LOXHD1: variants seen among roughly 807,000 people sequenced by gnomAD.
LOXHD1 encodes lipoxygenase homology domain-containing protein 1.
In LOXHD1, 205 loss-of-function variants were observed where a neutral mutation model predicts 248.2. That is an observed-to-expected ratio of 0.83 (90% CI 0.74 to 0.93). The LOEUF (loss-of-function observed/expected upper bound fraction) is 0.93. Ranked by LOEUF, LOXHD1 falls within the 40% of genes least tolerant of loss-of-function variation. LOXHD1 has a pLI of 0.00. For synonymous variants in LOXHD1, 1,113 were observed against 1,162.8 expected, an observed-to-expected ratio of 0.96 and a Z score of 0.87; for missense variants, 2,930 against 2,971.6, an observed-to-expected ratio of 0.99 and a Z score of 0.33.
intron 14 of LOXHD1, 123 bp downstream of exon 14, chr18:46,577,584 G>T: frequency 2.6e-6 from 3 of 1,134,784 alleles, no homozygotes; most frequent in Non-Finnish European, 3.7e-6. Context: ...CCTCTTTCTT[G>T]CACCAGCTAT....
chr18:46,489,113 C>T lies in LOXHD1; in HGVS notation c.5908G>A (p.Val1970Ile). 6.4e-7 allele frequency: 1 copy of T among 1,551,728 alleles called. No homozygotes were observed. The highest frequency in any genetic ancestry group is 8.7e-7 in the Non-Finnish European group (1 of 1,147,008). The change falls in exon 38 of 41, where the codon GTC (valine) becomes ATC (isoleucine). Residue 1970 changes from valine (V) to isoleucine (I), a missense_variant. Val to Ile is a conservative substitution (Grantham distance 29, BLOSUM62 3). Transcript: ENST00000642948. The part of the protein sequence containing the change: ...GIFPGWHLSY[V>I]DVKDNSRDET... Reference sequence around the variant, plus strand: ...TCGCGGGAGTTGTCCTTCACATCGACATAGCTCAGATGCCAGCCAGGAAAT... The same window carrying T: ...TCGCGGGAGTTGTCCTTCACATCGATATAGCTCAGATGCCAGCCAGGAAAT...
At position 46,562,854 on chromosome 18, in the gene LOXHD1, T is replaced by C. The variant is rs1300174117; in HGVS notation, c.2598+211A>G. ...TAAAGCTCCCCAGGTGACTGTAACA[T>C]GAGGCCAGGGGTGGGAATCACTGAT... On this transcript the variant is annotated intron_variant, in intron 18 of 40. Coordinates refer to ENST00000642948, the MANE Select transcript of LOXHD1 (RefSeq NM_001384474.1). Among the ~76,000 whole-genome samples, 3 of 152,138 alleles carry C rather than the reference T, an allele frequency of 2.0e-5. No homozygotes were observed. The East Asian group carries it at 5.8e-4, about 29-fold the overall frequency.
chr18:46,562,432 C>A (rs1221811452), intron 18 of LOXHD1, among the ~76,000 whole-genome samples: 6 of 152,192 alleles, frequency 3.9e-5, no homozygotes. Context: ...GGGGCGCCAC[C>A]CTTGCATCCT....
At chr18:46,629,706 G>T (rs900184840) in intron 4 of LOXHD1, among the ~76,000 whole-genome samples, 10 of 151,062 alleles carry the variant, frequency 6.6e-5, no homozygotes, top group African/African-American at 1.2e-4. Flanking sequence ...CAGTGATTAT[G>T]CTGAAAACAA....
intron 17 of LOXHD1, 82 bp from the exon 18 acceptor site, chr18:46,563,307 A>C: frequency 7.4e-7 from 1 of 1,343,066 alleles, no homozygotes; most frequent in Middle Eastern, 2.0e-4. Flanking sequence ...ACCTTTCCTG[A>C]GCCTGTTCCA....
rs1232468141 is a variant in LOXHD1, at chr18:46,557,384, C to T, written c.3322G>A (p.Asp1108Asn). 3.2e-6 allele frequency: 5 copies of T among 1,552,348 alleles called. No individual in the cohort carries two copies. In the Admixed American group the frequency reaches 9.8e-5, roughly 30 times the overall value. Residue 1108 changes from aspartate (D) to asparagine (N), a missense_variant, in exon 21 of 41, where the codon GAC becomes AAC. Transcript: ENST00000642948. The stretch of plus-strand genomic sequence containing the variant: ...ATCTCGTTGTTCATGTCAGTAATGT[C>T]TATTCTGTCCAGGAACCAGCCTGCT... ...NRAGWFLDRI[D>N]ITDMNNEITY...
Position 46,639,767 on chromosome 18 carries a change from G to C in LOXHD1, c.360C>G (p.Ser120Arg). ...TCACAATCACATGGTCCAGGTACCA[G>C]CTGGCATTCAAGCCCGTGTTGTCAT... ...IEHDNTGLNA[S>R]WYLDHVIVTD... Residue 120 changes from serine (S) to arginine (R), a missense_variant, in exon 4 of 41, where the codon AGC becomes AGG. Ser to Arg is a moderately radical substitution (Grantham distance 110). Transcript: ENST00000642948. 6.4e-7 allele frequency: 1 copy of C among 1,551,728 alleles called. No homozygotes were observed. Among genetic ancestry groups the C allele is most frequent in the East Asian group, 2.4e-5 (1 of 40,922 alleles).
In LOXHD1 at chr18:46,524,482, G is replaced by A. The variant is rs982841436; in HGVS notation, c.4860C>T (p.Tyr1620=). Residue 1620 remains tyrosine (Y), a synonymous_variant, in exon 31 of 41, where the codon TAC becomes TAT. Transcript: ENST00000642948. ...TTGGCTTACTTGGGCCCTCTTGAAC[G>A]TAGTCAGCCATGGGCCCGGTCACTG... ...ISTVTGPMAD[Y]VQEGPIIPYY... is the part of the protein sequence containing the mutation. 11 of 1,551,280 alleles carry A rather than the reference G, an allele frequency of 7.1e-6. No homozygotes were observed. The highest frequency in any genetic ancestry group is 1.7e-4 in the Middle Eastern group (1 of 6,012).
rs56323729 is a variant in LOXHD1 at position 46,545,627 on chromosome 18, C to CTTTTTTTTTTTTTTTTTTTTTTTTTT, written c.3515-207_3515-206insAAAAAAAAAAAAAAAAAAAAAAAAAA. On this transcript the variant is annotated intron_variant, in intron 22 of 40. Transcript: ENST00000642948. ...GTTTCTATGTTCCTCTTGGCCATTT[C>CTTTTTTTTTTTTTTTTTTTTTTTTTT]TTTTTTTTTTTTTTTTTTTTGAGAC... Among the ~76,000 whole-genome samples the CTTTTTTTTTTTTTTTTTTTTTTTTTT allele has an allele frequency of 7.6e-5, 7 of 92,242 alleles. 1 individual carries two copies. The highest frequency in any genetic ancestry group is 2.0e-4 in the African/African-American group (4 of 20,510). 60.5% of individuals were successfully genotyped at this position (92,242 alleles called of 152,430 possible).
chr18:46,511,133 T>C (rs2143979391), intron 34 of LOXHD1, among the ~76,000 whole-genome samples: 1 of 152,344 alleles, frequency 6.6e-6, no homozygotes, highest in East Asian at 1.9e-4. Flanking sequence ...GCTTTTCTTC[T>C]GGAAGACTGC....
intron 7 of LOXHD1, among the ~76,000 whole-genome samples, chr18:46,602,359 C>T (rs558727478): frequency 2.3e-4 from 35 of 152,164 alleles, no homozygotes; most frequent in Middle Eastern, 6.8e-3. Flanking sequence ...ACATGTGCCA[C>T]CACACCTGGT....
intron 12 of LOXHD1, among the ~76,000 whole-genome samples, chr18:46,583,008 G>A (rs1219657992): frequency 6.6e-6 from 1 of 152,188 alleles, no homozygotes; most frequent in Non-Finnish European, 1.5e-5. Context: ...AAACCTGCCA[G>A]TAGTCAAACA....
At chr18:46,540,435 T>C (rs1229750393) in intron 25 of LOXHD1, among the ~76,000 whole-genome samples, 4 of 152,136 alleles carry the variant, frequency 2.6e-5, no homozygotes, top group African/African-American at 9.7e-5. Flanking sequence ...CTCTGCAGCA[T>C]ACAGTCCCTT....
chr18:46,524,979 C>T (rs1297357444), intron 29 of LOXHD1, 62 bp from the exon 30 acceptor site: 5 of 1,529,820 alleles, frequency 3.3e-6, no homozygotes, highest in African/African-American at 1.4e-5. Context: ...CCACTCCAGC[C>T]CCACCCTTCT....
intron 4 of LOXHD1, among the ~76,000 whole-genome samples, chr18:46,634,910 A>G (rs2144365142): frequency 6.6e-6 from 1 of 152,286 alleles, no homozygotes; most frequent in African/African-American, 2.4e-5. Context: ...ATGCCACTAA[A>G]CTGTCCATTT....
intron 26 of LOXHD1, 103 bp downstream of exon 26, chr18:46,538,053 G>A: frequency 9.5e-7 from 1 of 1,056,342 alleles, no homozygotes; most frequent in Non-Finnish European, 1.3e-6. Context: ...TCTAATAGCA[G>A]TGCATCAGGA....
Position 46,559,311 on chromosome 18 carries a change from C to A in LOXHD1, c.3216+137G>T, listed in dbSNP as rs2037458052. Reference sequence around the variant, plus strand: ...AAGTATCAGTGTTACTGAAGAGGTACTGCCATGAAACCTGGTGGGATGAAC... The same window carrying A: ...AAGTATCAGTGTTACTGAAGAGGTAATGCCATGAAACCTGGTGGGATGAAC... On this transcript the variant is annotated intron_variant, in intron 20 of 40. Coordinates refer to ENST00000642948, the MANE Select transcript of LOXHD1 (RefSeq NM_001384474.1). The A allele has an allele frequency of 3.2e-6, 5 of 1,545,802 alleles. No homozygotes were observed. The South Asian group carries it at 3.6e-5, about 11-fold the overall frequency.
At chr18:46,624,930 G>C (rs1465614929) in intron 4 of LOXHD1, among the ~76,000 whole-genome samples, 1 of 151,992 alleles carries the variant, frequency 6.6e-6, no homozygotes, top group Non-Finnish European at 1.5e-5. Context: ...AAAATCATAA[G>C]TGCCTCTGAT....
At chr18:46,547,245 G>T (rs1037838968) in intron 21 of LOXHD1, among the ~76,000 whole-genome samples, 187 bp from the exon 22 acceptor site, 1 of 152,192 alleles carries the variant, frequency 6.6e-6, no homozygotes, top group Admixed American at 6.5e-5. Context: ...CTGGGGTAGA[G>T]AACAAACTTG....
Sources: allele counts gnomAD v4.1 joint callset (sites outside exome capture counted in the v4.1 genomes callset), GRCh38; gene constraint gnomAD v4.1.1; transcripts MANE v1.5; gene names NCBI Gene and HGNC (gene_info 2026-07-23, HGNC 2026-07-21).